Variants in PTPN11 observed in about 807,000 individuals in gnomAD.
PTPN11 encodes the protein tyrosine-protein phosphatase non-receptor type 11.
PTPN11 carries 6 observed loss-of-function variants against 78.8 expected under a neutral mutation model. The observed-to-expected ratio is 0.08, with a 90% CI of 0.04 to 0.15. PTPN11 has a LOEUF of 0.15. Among genes scored for constraint, PTPN11 ranks in the 10% least tolerant of loss-of-function variants. The pLI is 1.00. For missense variants in PTPN11, 386 were observed against 744.8 expected (o/e 0.52, Z 5.61); for synonymous variants, 221 against 263.5 (o/e 0.84, Z 1.56).
chr12:112,419,560 C>T (rs895015888), intron 1 of PTPN11, among the ~76,000 whole-genome samples: 7 of 152,234 alleles, frequency 4.6e-5, no homozygotes, highest in Admixed American at 2.0e-4. Context: ...CCCCAGTGGT[C>T]TAGTCGTTCT....
At chr12:112,419,571 G>T (rs1012435976) in intron 1 of PTPN11, among the ~76,000 whole-genome samples, 59 of 152,338 alleles carry the variant, frequency 3.9e-4, no homozygotes, top group Admixed American at 1.2e-3. Context: ...TAGTCGTTCT[G>T]GCTCACTGTG....
intron 1 of PTPN11, among the ~76,000 whole-genome samples, chr12:112,440,001 T>G (rs2037858527): frequency 6.6e-6 from 1 of 152,186 alleles, no homozygotes; most frequent in African/African-American, 2.4e-5. Flanking sequence ...AATTAGCTTA[T>G]GTAGGTAGAC....
intron 1 of PTPN11, among the ~76,000 whole-genome samples, chr12:112,428,156 C>G (rs547882500): frequency 6.6e-6 from 1 of 152,190 alleles, no homozygotes; most frequent in Non-Finnish European, 1.5e-5. Flanking sequence ...TTATTTGTCT[C>G]TTCTCATCTT....
chr12:112,423,406 C>T (rs1483666745), intron 1 of PTPN11, among the ~76,000 whole-genome samples: 1 of 152,052 alleles, frequency 6.6e-6, no homozygotes, highest in East Asian at 1.9e-4. Flanking sequence ...GTGCCTCAGT[C>T]TCCTGAGTAG....
At chr12:112,463,376 T>TAAAA (rs1419684813) in intron 6 of PTPN11, among the ~76,000 whole-genome samples, 4 of 152,170 alleles carry the variant, frequency 2.6e-5, no homozygotes, top group African/African-American at 9.7e-5. Context: ...AAAATTAGTT[T>TAAAA]CTTTAAAACA....
At position 112,453,152 on chromosome 12, in the gene PTPN11, C is replaced by T. The variant is rs759369496; in HGVS notation, c.333-43C>T. ...AGTTTTGTGAAAGAACAACATGAAC[C>T]CATAGTAGAGCTAAATTCTTTTTTA... On this transcript the variant is annotated intron_variant, in intron 3 of 15. Coordinates refer to ENST00000351677, the MANE Select transcript of PTPN11 (RefSeq NM_002834.5). The T allele has an allele frequency of 2.0e-6, 3 of 1,530,798 alleles. No homozygotes were observed. The Admixed American group carries it at 5.0e-5, about 26-fold the overall frequency. The allele number at this position is 1,530,798 out of a possible 1,614,324, so 94.8% of individuals were successfully genotyped here.
chr12:112,427,990 A>T (rs910289290), intron 1 of PTPN11, among the ~76,000 whole-genome samples: 15 of 152,064 alleles, frequency 9.9e-5, no homozygotes, highest in African/African-American at 3.4e-4. Context: ...GCTTCAAGTG[A>T]TTCTCTTGCC....
intron 1 of PTPN11, among the ~76,000 whole-genome samples, chr12:112,445,871 C>G (rs142504170): frequency 6.6e-6 from 1 of 151,642 alleles, no homozygotes; most frequent in African/African-American, 2.4e-5. Context: ...AACTCCCGAC[C>G]CCAGCTGATC....
chr12:112,466,639 A>T (rs1265244916), intron 6 of PTPN11, among the ~76,000 whole-genome samples: 1 of 152,222 alleles, frequency 6.6e-6, no homozygotes, highest in Non-Finnish European at 1.5e-5. Context: ...GGTGTGAGCC[A>T]TGGCCCCCAG....
At chr12:112,473,692 C>G (rs1370662274) in intron 7 of PTPN11, among the ~76,000 whole-genome samples, 1 of 151,374 alleles carries the variant, frequency 6.6e-6, no homozygotes, top group Non-Finnish European at 1.5e-5. Flanking sequence ...ACTAAAAATA[C>G]AAAAATTAGC....
At chr12:112,499,230 A>G (rs1357757580) in intron 13 of PTPN11, among the ~76,000 whole-genome samples, 3 of 152,288 alleles carry the variant, frequency 2.0e-5, no homozygotes, top group South Asian at 4.1e-4. Context: ...AGTATCGAGT[A>G]AAAAAGCAGT....
chr12:112,451,002 T>C (rs1219319617), intron 3 of PTPN11, among the ~76,000 whole-genome samples: 3 of 152,212 alleles, frequency 2.0e-5, no homozygotes, highest in African/African-American at 7.2e-5. Flanking sequence ...ACCACAATTA[T>C]GTGAGAATGA....
rs527817510 is a variant in PTPN11, at chr12:112,471,187, A to G, written c.757-1757A>G. Reference sequence around the variant, plus strand: ...TGAAATTCAGATAAATGAAATGGAAATAAAACAGGGCTGCTGTGTTGTGAA... The same window carrying G: ...TGAAATTCAGATAAATGAAATGGAAGTAAAACAGGGCTGCTGTGTTGTGAA... On this transcript the variant is annotated intron_variant, in intron 6 of 15. Coordinates refer to ENST00000351677, the MANE Select transcript of PTPN11 (RefSeq NM_002834.5). Among the ~76,000 whole-genome samples the G allele has an allele frequency of 4.1e-4, 62 of 152,340 alleles. 1 individual carries two copies. Among genetic ancestry groups the G allele is most frequent in the Non-Finnish European group, 6.2e-4 (42 of 68,022 alleles).
intron 6 of PTPN11, among the ~76,000 whole-genome samples, chr12:112,467,374 C>T (rs2038346777): frequency 1.3e-5 from 2 of 152,120 alleles, no homozygotes; most frequent in South Asian, 4.1e-4. Context: ...AAGCATGGCT[C>T]CAGCATCTGC....
chr12:112,440,853 G>A (rs2037876564), intron 1 of PTPN11, among the ~76,000 whole-genome samples: 1 of 151,400 alleles, frequency 6.6e-6, no homozygotes, highest in African/African-American at 2.4e-5. Flanking sequence ...TGGGATTATA[G>A]GCATGAGTCA....
Position 112,438,577 on chromosome 12 carries a change from G to A in PTPN11, c.15-7699G>A, listed in dbSNP as rs190786024. Among the ~76,000 whole-genome samples the A allele has an allele frequency of 2.1e-3, 314 of 152,146 alleles. 2 individuals carry two copies. The highest frequency in any genetic ancestry group is 7.2e-3 in the African/African-American group (299 of 41,520). On this transcript the variant is annotated intron_variant, in intron 1 of 15. Transcript: ENST00000351677. Reference sequence around the variant, plus strand: ...GCTCACTGCAACCTCTGCCTCCCGGGTTCAAGCGATTCTCTCACCTCAGCC... The same window carrying A: ...GCTCACTGCAACCTCTGCCTCCCGGATTCAAGCGATTCTCTCACCTCAGCC...
rs771672596 is a variant in PTPN11 at position 112,472,950 on chromosome 12, C to T, written c.763C>T (p.Gln255Ter). 1 of 1,610,354 alleles carries T rather than the reference C, an allele frequency of 6.2e-7. No individual in the cohort carries two copies. Among genetic ancestry groups the T allele is most frequent in the Non-Finnish European group, 8.5e-7 (1 of 1,176,728 alleles). The change falls in exon 7 of 16, where the codon CAA becomes TAA. Residue 255 changes from glutamine to a stop codon, truncating the protein, a stop_gained. Coordinates refer to ENST00000351677, the MANE Select transcript of PTPN11 (RefSeq NM_002834.5). LOFTEE classifies it high-confidence loss of function. ...GACTTTTCTTTCTTTCCAGACACTA[C>T]AACAACAGGAGTGCAAACTTCTCTA... is the stretch of plus-strand genomic sequence containing the variant. The part of the protein sequence containing the change: ...QGFWEEFETL[Q>*]QQECKLLYSR...
chr12:112,442,989 C>A (rs898183738), intron 1 of PTPN11, among the ~76,000 whole-genome samples: 1 of 148,258 alleles, frequency 6.7e-6, no homozygotes, highest in African/African-American at 2.5e-5. Flanking sequence ...ATATATGTGT[C>A]TCTATATTTA....
chr12:112,419,245 G>A, intron 1 of PTPN11, 120 bp downstream of exon 1: 2 of 1,112,308 alleles, frequency 1.8e-6, no homozygotes, highest in Non-Finnish European at 2.3e-6. Flanking sequence ...GTCGGGGTTG[G>A]GGGCCGGTTC....
Sources: allele counts gnomAD v4.1 joint callset (sites outside exome capture counted in the v4.1 genomes callset), GRCh38; gene constraint gnomAD v4.1.1; transcripts MANE v1.5; gene names NCBI Gene and HGNC (gene_info 2026-07-23, HGNC 2026-07-21).